The following MYH4 variants were observed in gnomAD, a reference collection of about 807,000 sequenced individuals.
The protein encoded by MYH4 is myosin heavy chain 4.
In MYH4, 200 loss-of-function variants were observed where a neutral mutation model predicts 229.9. That is an observed-to-expected ratio of 0.87 (90% CI 0.78 to 0.98). MYH4 has a LOEUF of 0.98. Ranked by LOEUF, MYH4 falls within the 50% of genes least tolerant of loss-of-function variation. MYH4 has a pLI of 0.00. For synonymous variants in MYH4, 761 were observed against 834.6 expected (o/e 0.91, Z 1.52); for missense variants, 2,148 against 2,332.6 (o/e 0.92, Z 1.63).
chr17:10,449,008 A>C lies in MYH4; in HGVS notation c.4221T>G (p.His1407Gln). 6.2e-7 allele frequency: 1 copy of C among 1,614,130 alleles called. No homozygotes were observed. Among genetic ancestry groups the C allele is most frequent in the Non-Finnish European group, 8.5e-7 (1 of 1,180,024 alleles). The change falls in exon 31 of 40, where the codon CAT becomes CAG. Residue 1407 changes from histidine (H) to glutamine (Q), a missense_variant. By Grantham distance (24) the His-to-Gln change is conservative. Transcript: ENST00000255381. ...LAQRLQDAEE[H>Q]VEAVNSKCAS... ...CACATTTGGAATTCACAGCTTCTAC[A>C]TGTTCTTCTGCATCCTGCAGACGCT...
intron 5 of MYH4, 55 bp downstream of exon 5, chr17:10,465,387 A>G: frequency 6.3e-7 from 1 of 1,590,852 alleles, no homozygotes. Context: ...GTTTTTTCTG[A>G]TATCAGTATA....
At chr17:10,452,640 G>A (rs1015833633) in intron 25 of MYH4, 134 bp from the exon 26 acceptor site, 2 of 1,218,744 alleles carry the variant, frequency 1.6e-6, no homozygotes, top group African/African-American at 3.1e-5. Flanking sequence ...ATTAATAATT[G>A]TATTAGTTTA....
At position 10,452,286 on chromosome 17, in the gene MYH4, G is replaced by A. The variant is rs1431035847; in HGVS notation, c.3393C>T (p.Ala1131=). ...GCTGCTTCTCTGCTTTGGCCCGGGA[G>A]GCCCGCTCTGCCTCGATTTCCTCCT... ...ELEEEIEAER[A]SRAKAEKQRS... The change falls in exon 27 of 40, where the codon GCC becomes GCT. Residue 1131 remains alanine, a synonymous_variant. Transcript: ENST00000255381. The A allele has an allele frequency of 6.2e-7, 1 of 1,614,090 alleles. No homozygotes were observed. Among genetic ancestry groups the A allele is most frequent in the South Asian group, 1.1e-5 (1 of 91,084 alleles).
intron 11 of MYH4, 115 bp downstream of exon 11, chr17:10,462,750 A>G (rs951154080): frequency 7.7e-6 from 6 of 783,538 alleles, no homozygotes; most frequent in Admixed American, 6.6e-5. Flanking sequence ...AGAAAGCCCA[A>G]AGGGTTGTAT....
intron 34 of MYH4, 79 bp from the exon 35 acceptor site, chr17:10,447,295 A>T: frequency 8.0e-7 from 1 of 1,250,192 alleles, no homozygotes; most frequent in Admixed American, 2.1e-5. Flanking sequence ...ACACTCTTTG[A>T]TCTTAATGAC....
At chr17:10,460,180 C>A in intron 13 of MYH4, 23 bp downstream of exon 13, 2 of 1,613,456 alleles carry the variant, frequency 1.2e-6, no homozygotes, top group Middle Eastern at 1.7e-4. Flanking sequence ...TCAAATAAAT[C>A]AGACAATTTA....
intron 35 of MYH4, among the ~76,000 whole-genome samples, chr17:10,446,027 C>CAA (rs35896304): frequency 0.32 from 21,809 of 68,850 alleles, 3,401 homozygotes; most frequent in East Asian, 0.64. Flanking sequence ...GACCCCTTCT[C>CAA]AAAAAAAAAA....
chr17:10,457,957 G>A (rs900318519), intron 15 of MYH4, among the ~76,000 whole-genome samples: 35 of 152,250 alleles, frequency 2.3e-4, no homozygotes, highest in African/African-American at 5.8e-4. Context: ...CACACTTTAT[G>A]TTCAGTGTAT....
intron 34 of MYH4, among the ~76,000 whole-genome samples, chr17:10,447,558 A>T (rs1316522056): frequency 2.0e-5 from 3 of 152,200 alleles, no homozygotes; most frequent in African/African-American, 7.2e-5. Context: ...AAGCAGTGGC[A>T]TGTAGCCAAA....
Position 10,460,229 on chromosome 17 carries a change from C to T in MYH4, c.1240G>A (p.Val414Ile), listed in dbSNP as rs373683531. Residue 414 changes from valine to isoleucine, a missense_variant, in exon 13 of 40, where the codon GTA becomes ATA. Transcript: ENST00000255381. ...YPRVKVGNEF[V>I]TKGQTVQQVY... ...TGCTGCACAGTCTGGCCTTTGGTTA[C>T]GAACTCATTGCCGACCTTGACTCTG... 1.4e-5 allele frequency: 22 copies of T among 1,613,934 alleles called. No homozygotes were observed. Among genetic ancestry groups the T allele is most frequent in the African/African-American group, 1.3e-4 (10 of 74,918 alleles).
rs1015893922 is a variant in MYH4, at chr17:10,465,343, T to C, written c.505+99A>G. On this transcript the variant is annotated intron_variant, in intron 5 of 39. Transcript: ENST00000255381. ...TTTATTATTTCTGTTATCATGTTTG[T>C]GCTGAACAGTTATTCTCAGAATACT... 7.8e-6 allele frequency: 11 copies of C among 1,414,242 alleles called. No individual in the cohort carries two copies. The African/African-American group carries it at 1.3e-4, about 16-fold the overall frequency. 87.6% of individuals were successfully genotyped at this position (1,414,242 alleles called of 1,614,324 possible).
chr17:10,450,890 A>G lies in MYH4; in HGVS notation c.3871T>C (p.Phe1291Leu), dbSNP rs150398276. ...TCTTTTTCATCTAGCTGTCGTGAAA[A>G]CTCACCTGTGGAAGACAAAACATCA... ...KARLHTESGE[F>L]SRQLDEKDAM... The change falls in exon 29 of 40, where the codon TTT becomes CTT. Residue 1291 changes from phenylalanine to leucine, a missense_variant. Transcript: ENST00000255381. 32 of 1,612,174 alleles carry G rather than the reference A, an allele frequency of 2.0e-5. No homozygotes were observed. The African/African-American group carries it at 2.7e-4, about 13-fold the overall frequency.
In MYH4 at chr17:10,466,539, C is replaced by G; in HGVS notation, c.204+3G>C. 1.2e-6 allele frequency: 2 copies of G among 1,613,996 alleles called. No individual in the cohort carries two copies. Among genetic ancestry groups the G allele is most frequent in the East Asian group, 2.2e-5 (1 of 44,882 alleles). ...CTAATTAGCTCCAGGTGTTTTTACT[C>G]ACAGCTCCAGCTTCGGTCTTGGCTG... On this transcript the variant is annotated splice_donor_region_variant and intron_variant, in intron 3 of 39. Coordinates refer to ENST00000255381, the MANE Select transcript of MYH4 (RefSeq NM_017533.2).
Position 10,452,796 on chromosome 17 carries a change from T to C in MYH4, c.3248A>G (p.Lys1083Arg), listed in dbSNP as rs756795625. 6.2e-7 allele frequency: 1 copy of C among 1,603,236 alleles called. No homozygotes were observed. The highest frequency in any genetic ancestry group is 8.5e-7 in the Non-Finnish European group (1 of 1,177,810). The change falls in exon 25 of 40, where the codon AAA becomes AGA. Residue 1083 changes from lysine (K) to arginine (R), a missense_variant. Lys to Arg is a conservative substitution (Grantham distance 26). Coordinates refer to ENST00000255381, the MANE Select transcript of MYH4 (RefSeq NM_017533.2). Reference protein sequence around the residue: ...TENDKQQLNEKLKKKEFEMSN... With the variant: ...TENDKQQLNERLKKKEFEMSN... ...ATTATACCATACTTACTTTTTGAGT[T>C]TCTCATTAAGTTGCTGTTTGTCATT... is the stretch of plus-strand genomic sequence containing the variant.
In MYH4 at chr17:10,454,540, A is replaced by G. The variant is rs780914641; in HGVS notation, c.2691+15T>C. 5 of 1,610,330 alleles carry G rather than the reference A, an allele frequency of 3.1e-6. No individual in the cohort carries two copies. The South Asian group carries it at 4.4e-5, about 14-fold the overall frequency. ...AGTAATAAGATGTGGCTGAACTGCAATGTATAATACTTACAGCTTGAACTT... is the reference window on the plus strand; with the variant it reads ...AGTAATAAGATGTGGCTGAACTGCAGTGTATAATACTTACAGCTTGAACTT... On this transcript the variant is annotated intron_variant, in intron 22 of 39. Transcript: ENST00000255381.
Position 10,452,265 on chromosome 17 carries a change from C to T in MYH4, c.3414G>A (p.Lys1138=). The T allele has an allele frequency of 6.2e-7, 1 of 1,614,042 alleles. No individual in the cohort carries two copies. The highest frequency in any genetic ancestry group is 2.2e-5 in the East Asian group (1 of 44,880). Residue 1138 remains lysine, a synonymous_variant, in exon 27 of 40, where the codon AAG becomes AAA. Transcript: ENST00000255381. ...GCTCCCGGGAGAGGTCAGAGCGCTGCTTCTCTGCTTTGGCCCGGGAGGCCC... is the reference window on the plus strand; with the variant it reads ...GCTCCCGGGAGAGGTCAGAGCGCTGTTTCTCTGCTTTGGCCCGGGAGGCCC... ...AERASRAKAE[K]QRSDLSRELE... is the part of the protein sequence containing the mutation.
chr17:10,453,294 T>A lies in MYH4; in HGVS notation c.2969A>T (p.Asp990Val). Residue 990 changes from aspartate to valine, a missense_variant, in exon 24 of 40, where the codon GAT (aspartate) becomes GTT (valine). Physicochemically the swap from Asp to Val is radical, Grantham distance 152. Transcript: ENST00000255381. ...KNLTEEMAGLDETIAKLTKEK... is the reference protein window; with the variant it reads ...KNLTEEMAGLVETIAKLTKEK... Reference sequence around the variant, plus strand: ...CTTGGTCAGCTTAGCAATGGTTTCATCCAGACCTGCCATCTCTTCTGTGAG... The same window carrying A: ...CTTGGTCAGCTTAGCAATGGTTTCAACCAGACCTGCCATCTCTTCTGTGAG... 1 of 1,613,990 alleles carries A rather than the reference T, an allele frequency of 6.2e-7. No individual in the cohort carries two copies.
Position 10,446,844 on chromosome 17 carries a change from T to C in MYH4, c.5169+169A>G, listed in dbSNP as rs960641964. Among the ~76,000 whole-genome samples, 5 of 152,236 alleles carry C rather than the reference T, an allele frequency of 3.3e-5. No homozygotes were observed. In the South Asian group the frequency reaches 1.0e-3, roughly 32 times the overall value. On this transcript the variant is annotated intron_variant, in intron 35 of 39. Transcript: ENST00000255381. The stretch of plus-strand genomic sequence containing the variant: ...CAACATGATTATGCCAGCCCATAAA[T>C]ATACTCGTGAACCAGCTAGGTCCCA...
chr17:10,448,733 C>T lies in MYH4; in HGVS notation c.4416G>A (p.Glu1472=). The change falls in exon 32 of 40, where the codon GAG becomes GAA. Residue 1472 remains glutamate (E), a synonymous_variant. Coordinates refer to ENST00000255381, the MANE Select transcript of MYH4 (RefSeq NM_017533.2). The part of the protein sequence containing the change: ...QKYEETQAEL[E]ASQKESRSLS... ...GAGAACGCGACTCCTTCTGGGAGGC[C>T]TCAAGTTCAGCCTGAGTTTCCTCAT... 6.2e-7 allele frequency: 1 copy of T among 1,614,100 alleles called. No individual in the cohort carries two copies. Among genetic ancestry groups the T allele is most frequent in the Non-Finnish European group, 8.5e-7 (1 of 1,180,014 alleles).
Sources: gnomAD v4.1 joint callset for allele counts (sites outside exome capture counted in the v4.1 genomes callset) on GRCh38, gnomAD v4.1.1 for gene constraint, MANE v1.5 for transcripts, NCBI Gene and HGNC (gene_info 2026-07-23, HGNC 2026-07-21) for gene names.